KYAT3: variants seen among roughly 807,000 people sequenced by gnomAD.
The protein encoded by KYAT3 is kynurenine--oxoglutarate transaminase 3.
Under a neutral mutation model 59.0 loss-of-function variants are expected in KYAT3, and 50 were observed. The observed-to-expected ratio is 0.85, with a 90% confidence interval of 0.68 to 1.07. The LOEUF (loss-of-function observed/expected upper bound fraction) is 1.07, where lower values mean the gene tolerates loss of function less well. KYAT3 is among the 50% of genes least tolerant of loss of function. The probability of loss-of-function intolerance (pLI) is 0.00; values close to 1 mark genes in which losing one functional copy is unlikely to be tolerated. For synonymous variants in KYAT3, 148 were observed against 177.0 expected, an observed-to-expected ratio of 0.84 and a Z score of 1.30; for missense variants, 497 against 533.3, an observed-to-expected ratio of 0.93 and a Z score of 0.67.
chr1:88,922,541 T>A, the KYAT3 span, among the ~76,000 whole-genome samples: 1 of 152,132 alleles, frequency 6.6e-6, no homozygotes, highest in South Asian at 2.1e-4. Flanking sequence ...AGTCTCATGA[T>A]CCCTATTATG....
In KYAT3 at chr1:88,962,107, G is replaced by T. The variant is rs200532426; in HGVS notation, c.492C>A (p.Pro164=). The part of the protein sequence containing the change: ...LIVPFYDCYE[P]MVRMAGATPV... ...GTGTTGCTCCAGCCATTCTCACCAT[G>T]GGCTCATAGCAGTCATAGAAAGGCA... Residue 164 remains proline (P), a synonymous_variant, in exon 6 of 14, where the codon CCC becomes CCA. Coordinates refer to ENST00000260508, the MANE Select transcript of KYAT3 (RefSeq NM_001008661.3). 6.2e-7 allele frequency: 1 copy of T among 1,613,928 alleles called. No individual in the cohort carries two copies. Among genetic ancestry groups the T allele is most frequent in the Non-Finnish European group, 8.5e-7 (1 of 1,179,880 alleles).
the KYAT3 span, among the ~76,000 whole-genome samples, chr1:88,921,147 C>A: frequency 6.6e-6 from 1 of 152,206 alleles, no homozygotes; most frequent in Non-Finnish European, 1.5e-5. Context: ...TCTTTCTGCT[C>A]TGCCATCCTT....
intron 2 of KYAT3, among the ~76,000 whole-genome samples, chr1:88,974,203 G>A (rs904857693): frequency 1.3e-5 from 2 of 152,144 alleles, no homozygotes; most frequent in African/African-American, 4.8e-5. Flanking sequence ...GGATGCTGGA[G>A]GGCCCAAATG....
intron 13 of KYAT3, among the ~76,000 whole-genome samples, chr1:88,936,539 C>T (rs1675043786): frequency 2.0e-5 from 3 of 152,142 alleles, no homozygotes; most frequent in Non-Finnish European, 2.9e-5. Flanking sequence ...TTCAAGATAA[C>T]CTTTTATGGC....
chr1:88,963,486 G>A (rs939174059), intron 5 of KYAT3, among the ~76,000 whole-genome samples: 1 of 152,192 alleles, frequency 6.6e-6, no homozygotes, highest in Non-Finnish European at 1.5e-5. Context: ...CATAAAAGTG[G>A]TATGATAAAG....
Position 88,959,322 on chromosome 1 carries a change from T to C in KYAT3, c.787+1845A>G, listed in dbSNP as rs888334794. The stretch of plus-strand genomic sequence containing the variant: ...GGCTGGGCACGGTGGCTCACACCTG[T>C]AATCCCAGCACTTTGGGAGGCCGAG... On this transcript the variant is annotated intron_variant, in intron 8 of 13. Coordinates refer to ENST00000260508, the MANE Select transcript of KYAT3 (RefSeq NM_001008661.3). Among the ~76,000 whole-genome samples, 17 of 151,208 alleles carry C rather than the reference T, an allele frequency of 1.1e-4. 1 individual carries two copies. The highest frequency in any genetic ancestry group is 3.7e-4 in the African/African-American group (15 of 41,086).
intron 13 of KYAT3, among the ~76,000 whole-genome samples, chr1:88,940,297 G>A (rs1385116688): frequency 3.3e-5 from 5 of 152,038 alleles, no homozygotes; most frequent in Non-Finnish European, 7.4e-5. Context: ...GTTGTGAACT[G>A]CTGACCTCAA....
the KYAT3 span, among the ~76,000 whole-genome samples, chr1:88,926,667 T>C: frequency 1.3e-5 from 2 of 152,162 alleles, no homozygotes; most frequent in African/African-American, 2.4e-5. Context: ...CCACAACGGG[T>C]ATTCAGTAAT....
chr1:88,929,586 C>G, the KYAT3 span, among the ~76,000 whole-genome samples: 1 of 152,218 alleles, frequency 6.6e-6, no homozygotes, highest in Non-Finnish European at 1.5e-5. Context: ...CCCTCTTGTC[C>G]TTTGGTACGT....
the KYAT3 span, among the ~76,000 whole-genome samples, chr1:88,921,350 G>A: frequency 2.0e-5 from 3 of 152,166 alleles, no homozygotes; most frequent in African/African-American, 7.2e-5. Flanking sequence ...TTGACTAGTT[G>A]CAAAGGAACT....
At chr1:88,992,896 T>C (rs953325770), upstream of KYAT3, 1 of 146,910 alleles carries the variant, frequency 6.8e-6, no homozygotes, top group Non-Finnish European at 1.5e-5. Context: ...CGGCGCGCGA[T>C]GACGGTGGGG....
chr1:88,951,081 C>T (rs1455913531), intron 10 of KYAT3, among the ~76,000 whole-genome samples: 2 of 152,080 alleles, frequency 1.3e-5, no homozygotes, highest in South Asian at 4.2e-4. Flanking sequence ...CTGCTTAATC[C>T]CCTTCAGTTA....
At chr1:88,941,909 C>T (rs1414772988) in intron 13 of KYAT3, among the ~76,000 whole-genome samples, 1 of 152,172 alleles carries the variant, frequency 6.6e-6, no homozygotes, top group Non-Finnish European at 1.5e-5. Context: ...CCTAATTGTG[C>T]TTTTAAAATA....
intron 4 of KYAT3, 71 bp from the exon 5 acceptor site, chr1:88,965,049 C>G (rs1676293157): frequency 8.5e-7 from 1 of 1,179,982 alleles, no homozygotes; most frequent in Non-Finnish European, 1.2e-6. Context: ...TAATATGGCT[C>G]TAAAATGTAA....
chr1:88,946,467 T>A (rs1675446227), intron 11 of KYAT3, among the ~76,000 whole-genome samples: 1 of 152,194 alleles, frequency 6.6e-6, no homozygotes, highest in South Asian at 2.1e-4. Flanking sequence ...TGGCCATGTA[T>A]CATTGATTTT....
chr1:88,967,006 ATCCTGCAT>A (rs1188302201), intron 4 of KYAT3, among the ~76,000 whole-genome samples: 2 of 152,086 alleles, frequency 1.3e-5, no homozygotes, highest in Non-Finnish European at 2.9e-5. Flanking sequence ...ATTAAAACTA[ATCCTGCAT>A]TCCTATGGTA....
chr1:88,936,302 G>T, intron 13 of KYAT3, 57 bp from the exon 14 acceptor site: 1 of 1,219,148 alleles, frequency 8.2e-7, no homozygotes, highest in Non-Finnish European at 1.2e-6. Flanking sequence ...TCAAGATGAA[G>T]CAAAGATTTA....
intron 2 of KYAT3, among the ~76,000 whole-genome samples, chr1:88,971,918 G>C (rs1164762840): frequency 6.6e-6 from 1 of 152,128 alleles, no homozygotes; most frequent in Non-Finnish European, 1.5e-5. Flanking sequence ...TAAGCAAAAT[G>C]ATATACAGCA....
Position 88,988,273 on chromosome 1 carries a change from G to A in KYAT3, c.78C>T (p.Ile26=), listed in dbSNP as rs145055133. The A allele has an allele frequency of 3.7e-6, 6 of 1,613,282 alleles. No homozygotes were observed. In the South Asian group the frequency reaches 6.6e-5, roughly 18 times the overall value. Residue 26 remains isoleucine (I), a synonymous_variant, in exon 2 of 14, where the codon ATC becomes ATT. Coordinates refer to ENST00000260508, the MANE Select transcript of KYAT3 (RefSeq NM_001008661.3). ...KFLKTISSSK[I]LGFSTSAKMS... is the part of the protein sequence containing the mutation. ...CTACAGCAGAAGTAGAGAATCCGAGGATTTTGGAAGAAGAAATTGTCTTCA... is the reference window on the plus strand; with the variant it reads ...CTACAGCAGAAGTAGAGAATCCGAGAATTTTGGAAGAAGAAATTGTCTTCA...
Sources: gnomAD v4.1 joint callset for allele counts (sites outside exome capture counted in the v4.1 genomes callset) on GRCh38, gnomAD v4.1.1 for gene constraint, MANE v1.5 for transcripts, NCBI Gene and HGNC (gene_info 2026-07-23, HGNC 2026-07-21) for gene names.